ARL8B: variants seen among roughly 807,000 people sequenced by gnomAD.
ARL8B encodes the protein ARF like GTPase 8B, also known as ADP-ribosylation factor-like protein 8B.
In ARL8B, 9 loss-of-function variants were observed where a neutral mutation model predicts 30.6. The ratio of observed to expected loss-of-function variants is 0.29; its 90% CI spans 0.18 to 0.51. The LOEUF is 0.51. ARL8B is among the 20% of genes least tolerant of loss of function. The pLI, the probability that ARL8B is intolerant of heterozygous loss-of-function variation, is 0.97. For synonymous variants in ARL8B, 74 were observed against 76.0 expected (o/e 0.97, Z 0.14); for missense variants, 130 against 227.2 (o/e 0.57, Z 2.75).
intron 1 of ARL8B, among the ~76,000 whole-genome samples, chr3:5,169,305 TTGTGTGTGTGTGTG>T (rs10575722): frequency 1.4e-3 from 206 of 142,978 alleles, no homozygotes; most frequent in Middle Eastern, 0.011. Flanking sequence ...AATACAGTGT[TTGTGTGTGTGTGTG>T]TGTGTGTGTG....
At chr3:5,166,899 T>C (rs1214121502) in intron 1 of ARL8B, among the ~76,000 whole-genome samples, 1 of 152,240 alleles carries the variant, frequency 6.6e-6, no homozygotes, top group East Asian at 1.9e-4. Context: ...TTTTCTGCTG[T>C]TGTAGCATTC....
chr3:5,130,922 CTCTTT>C (rs1242470971), intron 1 of ARL8B, among the ~76,000 whole-genome samples: 1 of 152,030 alleles, frequency 6.6e-6, no homozygotes, highest in Non-Finnish European at 1.5e-5. Flanking sequence ...CTTTTCTTCG[CTCTTT>C]TCTTTTTTTT....
chr3:5,142,930 G>A (rs1559278674), intron 1 of ARL8B, among the ~76,000 whole-genome samples: 1 of 152,208 alleles, frequency 6.6e-6, no homozygotes, highest in Non-Finnish European at 1.5e-5. Context: ...TTGGACAGAT[G>A]TAGTTTATTC....
intron 1 of ARL8B, among the ~76,000 whole-genome samples, chr3:5,159,381 T>C (rs2054560531): frequency 6.7e-6 from 1 of 150,182 alleles, no homozygotes; most frequent in African/African-American, 2.5e-5. Flanking sequence ...GGTGGGTGGA[T>C]CACCTGAGGT....
At chr3:5,165,613 TTC>T (rs1277590753) in intron 1 of ARL8B, among the ~76,000 whole-genome samples, 1 of 152,116 alleles carries the variant, frequency 6.6e-6, no homozygotes, top group Non-Finnish European at 1.5e-5. Flanking sequence ...CCATATTTCA[TTC>T]TGTCTTCACA....
At chr3:5,140,434 C>A (rs780157171) in intron 1 of ARL8B, among the ~76,000 whole-genome samples, 1 of 152,094 alleles carries the variant, frequency 6.6e-6, no homozygotes, top group Non-Finnish European at 1.5e-5. Context: ...CATCTTGTGC[C>A]GTGATTGTGA....
rs113482483 is a variant in ARL8B, at chr3:5,172,944, T to C, written c.372+204T>C. On this transcript the variant is annotated intron_variant, in intron 4 of 6. Coordinates refer to ENST00000256496, the MANE Select transcript of ARL8B (RefSeq NM_018184.3). Reference sequence around the variant, plus strand: ...TAACCACGTATCTACTAAACTACTATGCAGCAGGAGCAGTGCGTAGGCCCA... The same window carrying C: ...TAACCACGTATCTACTAAACTACTACGCAGCAGGAGCAGTGCGTAGGCCCA... Among the ~76,000 whole-genome samples, 1,433 of 152,340 alleles carry C rather than the reference T, an allele frequency of 9.4e-3. 21 individuals are homozygous for C. The highest frequency in any genetic ancestry group is 0.032 in the African/African-American group (1,347 of 41,566).
intron 1 of ARL8B, among the ~76,000 whole-genome samples, chr3:5,139,111 C>T (rs2054351176): frequency 6.6e-6 from 1 of 151,996 alleles, no homozygotes; most frequent in African/African-American, 2.4e-5. Context: ...AATTTTTTTA[C>T]AGTAGAAGGG....
chr3:5,173,109 A>G (rs574636907), intron 4 of ARL8B, among the ~76,000 whole-genome samples: 88 of 152,180 alleles, frequency 5.8e-4, no homozygotes, highest in Non-Finnish European at 1.1e-3. Context: ...GCAAGGGGAT[A>G]TGAGAGTTGT....
chr3:5,133,357 G>A (rs1417693780), intron 1 of ARL8B, among the ~76,000 whole-genome samples: 6 of 152,188 alleles, frequency 3.9e-5, no homozygotes, highest in Admixed American at 6.5e-5. Context: ...GAGACCATCC[G>A]CAAGGAAATT....
intron 1 of ARL8B, among the ~76,000 whole-genome samples, chr3:5,143,421 G>T (rs1318998561): frequency 7.2e-5 from 11 of 152,154 alleles, no homozygotes. Context: ...CCTTGTCCTG[G>T]TATAGAGCCA....
At chr3:5,157,543 C>T (rs979300224) in intron 1 of ARL8B, among the ~76,000 whole-genome samples, 1 of 152,170 alleles carries the variant, frequency 6.6e-6, no homozygotes, top group Non-Finnish European at 1.5e-5. Flanking sequence ...CTACTCCCTC[C>T]CCTCCCCAAA....
In ARL8B at chr3:5,122,599, G is replaced by A; in HGVS notation, c.123+11G>A. 2 of 1,593,068 alleles carry A rather than the reference G, an allele frequency of 1.3e-6. No individual in the cohort carries two copies. The highest frequency in any genetic ancestry group is 2.3e-5 in the East Asian group (1 of 43,842). The stretch of plus-strand genomic sequence containing the variant: ...GTCAATGTCATCGCGGTGAGCGCCC[G>A]CCCACTCACTCGCCCGGGGCTCCGC... On this transcript the variant is annotated intron_variant, in intron 1 of 6. Transcript: ENST00000256496.
chr3:5,151,100 A>G (rs964950828), intron 1 of ARL8B, among the ~76,000 whole-genome samples: 1 of 151,952 alleles, frequency 6.6e-6, no homozygotes, highest in Non-Finnish European at 1.5e-5. Flanking sequence ...ATCAATTTTA[A>G]TTATCTTTTT....
At chr3:5,175,025 T>G (rs1475442161) in intron 6 of ARL8B, among the ~76,000 whole-genome samples, 2 of 151,930 alleles carry the variant, frequency 1.3e-5, no homozygotes, top group African/African-American at 4.8e-5. Flanking sequence ...GGTCTTGAAC[T>G]CCTGACCTCA....
intron 6 of ARL8B, among the ~76,000 whole-genome samples, chr3:5,176,539 T>C (rs1230096831): frequency 6.6e-6 from 1 of 152,190 alleles, no homozygotes; most frequent in Admixed American, 6.5e-5. Flanking sequence ...GCCACAAATA[T>C]GCTTTATTCA....
chr3:5,129,677 G>A (rs992531713), intron 1 of ARL8B, among the ~76,000 whole-genome samples: 5 of 152,024 alleles, frequency 3.3e-5, no homozygotes, highest in African/African-American at 1.2e-4. Flanking sequence ...CTCCCAAGTA[G>A]TAGGGACCAC....
chr3:5,137,060 A>G (rs2054332568), intron 1 of ARL8B, among the ~76,000 whole-genome samples: 1 of 152,182 alleles, frequency 6.6e-6, no homozygotes, highest in Admixed American at 6.5e-5. Context: ...GTAAAACAGT[A>G]TAGGGTAATG....
intron 1 of ARL8B, among the ~76,000 whole-genome samples, chr3:5,123,790 C>T (rs975563941): frequency 2.0e-5 from 3 of 152,182 alleles, no homozygotes; most frequent in Admixed American, 2.0e-4. Flanking sequence ...AAGAGATTAG[C>T]AGAAACCCCA....
Sources: allele counts gnomAD v4.1 joint callset (sites outside exome capture counted in the v4.1 genomes callset), GRCh38; gene constraint gnomAD v4.1.1; transcripts MANE v1.5; gene names NCBI Gene and HGNC (gene_info 2026-07-23, HGNC 2026-07-21).